C10orf105: variants seen among roughly 807,000 people sequenced by gnomAD.
C10orf105 encodes the protein uncharacterized protein C10orf105.
A neutral mutation model predicts 0.6 loss-of-function variants in C10orf105; 2 were observed. The ratio of observed to expected loss-of-function variants is 3.18; its 90% CI spans 1.30 to 10.01. C10orf105 has a LOEUF of 10.01. Among genes scored for constraint, C10orf105 ranks in the 30% most tolerant of loss-of-function variants. C10orf105 has a pLI of 0.04. For missense variants in C10orf105, 209 were observed against 191.4 expected (o/e 1.09, Z -0.54); for synonymous variants, 95 against 82.4 (o/e 1.15, Z -0.83).
intron 1 of C10orf105, chr10:71,732,672 C>A: frequency 7.3e-7 from 1 of 1,361,338 alleles, no homozygotes; most frequent in Non-Finnish European, 9.5e-7. Flanking sequence ...ATCAATATCC[C>A]TGTAACACAT....
chr10:71,722,832 A>G (rs1439599270), upstream of C10orf105, among the ~76,000 whole-genome samples: 1 of 152,222 alleles, frequency 6.6e-6, no homozygotes, highest in Non-Finnish European at 1.5e-5. Context: ...TTCAAGAAAC[A>G]GCCAGGAGAC....
intron 1 of C10orf105, among the ~76,000 whole-genome samples, chr10:71,728,841 T>C (rs900709553): frequency 6.6e-6 from 1 of 151,940 alleles, no homozygotes; most frequent in Non-Finnish European, 1.5e-5. Flanking sequence ...GTAGCTGGGA[T>C]TACAGATGCA....
chr10:71,730,723 C>G (rs1839348732), intron 1 of C10orf105: 1 of 1,433,648 alleles, frequency 7.0e-7, no homozygotes, highest in Admixed American at 2.0e-5. Flanking sequence ...TTAGCCATGT[C>G]TAGGCCAGGG....
At chr10:71,732,362 T>C in intron 1 of C10orf105, 5 of 1,566,888 alleles carry the variant, frequency 3.2e-6, no homozygotes, top group African/African-American at 1.4e-5. Context: ...CTCTTCAAGA[T>C]AGACGCCATC....
At position 71,716,084 on chromosome 10, in the gene C10orf105, G is replaced by A. The variant is rs1322115822; in HGVS notation, c.254C>T (p.Pro85Leu). ...CAGGCGCTTCCAGAGCCGGAGCTGG[G>A]GCTCACTGGGGCTCCCAGGGTGGTG... ...MPHHPGSPSE[P>L]QLRLWKRLGS... The change falls in exon 2 of 2, where the codon CCC becomes CTC. Residue 85 changes from proline (P) to leucine (L), a missense_variant. Transcript: ENST00000441508. The A allele has an allele frequency of 6.5e-7, 1 of 1,527,194 alleles. No individual in the cohort carries two copies. Among genetic ancestry groups the A allele is most frequent in the East Asian group, 2.5e-5 (1 of 40,514 alleles). The allele number at this position is 1,527,194 out of a possible 1,614,324, so 94.6% of individuals were successfully genotyped here.
intron 1 of C10orf105, chr10:71,734,486 C>T (rs953571885): frequency 2.0e-6 from 3 of 1,532,370 alleles, no homozygotes; most frequent in African/African-American, 2.7e-5. Context: ...CCATGTCCAG[C>T]CATGCCACAC....
At chr10:71,736,658 C>T (rs1470035295) in intron 1 of C10orf105, among the ~76,000 whole-genome samples, 2 of 152,184 alleles carry the variant, frequency 1.3e-5, no homozygotes, top group Non-Finnish European at 2.9e-5. Context: ...CCAGCAGCCC[C>T]CCTCACCCCT....
chr10:71,733,320 A>G (rs1246861641), intron 1 of C10orf105, among the ~76,000 whole-genome samples: 2 of 152,208 alleles, frequency 1.3e-5, no homozygotes, highest in East Asian at 3.8e-4. Flanking sequence ...GCAGACTGCA[A>G]GCTCTCTGTA....
chr10:71,716,132 C>T lies in C10orf105; in HGVS notation c.206G>A (p.Arg69His), dbSNP rs767111664. The T allele has an allele frequency of 2.5e-5, 39 of 1,549,636 alleles. No individual in the cohort carries two copies. The South Asian group carries it at 2.7e-4, about 11-fold the overall frequency. Residue 69 changes from arginine to histidine, a missense_variant, in exon 2 of 2, where the codon CGC becomes CAC. Coordinates refer to ENST00000441508, the MANE Select transcript of C10orf105 (RefSeq NM_001164375.3). ...GTGGGGCATGCACTCGTGAGCCCTG[C>T]GGCGGCTCGGGTCCAGCGCGGCCGG... Reference protein sequence around the residue: ...CKPAALDPSRRRAHECMPHHP... With the variant: ...CKPAALDPSRHRAHECMPHHP...
chr10:71,716,243 G>T lies in C10orf105; in HGVS notation c.95C>A (p.Ala32Glu). ...APVTPGTLAEATDPLPMLIAL... is the reference protein window; with the variant it reads ...APVTPGTLAEETDPLPMLIAL... ...GATGAGCATGGGGAGGGGGTCAGTT[G>T]CCTCTGCAAGGGTCCCGGGAGTGAC... Residue 32 changes from alanine (A) to glutamate (E), a missense_variant, in exon 2 of 2, where the codon GCA (alanine) becomes GAA (glutamate). Physicochemically the swap from Ala to Glu is moderately radical, Grantham distance 107. Transcript: ENST00000441508. 2.6e-6 allele frequency: 4 copies of T among 1,550,020 alleles called. No homozygotes were observed. Among genetic ancestry groups the T allele is most frequent in the Non-Finnish European group, 3.5e-6 (4 of 1,146,244 alleles).
rs1054319587 is a variant in C10orf105, at chr10:71,715,973, C to T, written c.365G>A (p.Arg122His). The part of the protein sequence containing the change: ...RQPLPGPEDN[R>H]SHCDYMESTK... Reference sequence around the variant, plus strand: ...AGATTCCATGTAGTCACAGTGGCTGCGGTTGTCCTCGGGGCCCGGCAGGGG... The same window carrying T: ...AGATTCCATGTAGTCACAGTGGCTGTGGTTGTCCTCGGGGCCCGGCAGGGG... The change falls in exon 2 of 2, where the codon CGC (arginine) becomes CAC (histidine). Residue 122 changes from arginine (R) to histidine (H), a missense_variant. Arg to His is a conservative substitution (Grantham distance 29). Transcript: ENST00000441508. 37 of 1,487,888 alleles carry T rather than the reference C, an allele frequency of 2.5e-5. No individual in the cohort carries two copies. The East Asian group carries it at 3.0e-4, about 12-fold the overall frequency. The allele number at this position is 1,487,888 out of a possible 1,614,324, so 92.2% of individuals were successfully genotyped here.
chr10:71,724,675 G>A (rs1398959544), upstream of C10orf105, among the ~76,000 whole-genome samples: 1 of 152,204 alleles, frequency 6.6e-6, no homozygotes, highest in Non-Finnish European at 1.5e-5. Flanking sequence ...CCCTGACAGA[G>A]AGGGCCCAGA....
Position 71,716,225 on chromosome 10 carries a change from A to G in C10orf105, c.113T>C (p.Met38Thr), listed in dbSNP as rs542549586. ...TLAEATDPLP[M>T]LIALACIFLL... ...GAAGATGCAGGCCAGGGCGATGAGC[A>G]TGGGGAGGGGGTCAGTTGCCTCTGC... Residue 38 changes from methionine to threonine, a missense_variant, in exon 2 of 2, where the codon ATG becomes ACG. Transcript: ENST00000441508. 65 of 1,550,774 alleles carry G rather than the reference A, an allele frequency of 4.2e-5. No individual in the cohort carries two copies. In the Admixed American group the frequency reaches 6.3e-4, roughly 15 times the overall value.
intron 1 of C10orf105, chr10:71,731,999 T>C (rs1273806300): frequency 1.2e-6 from 2 of 1,613,578 alleles, no homozygotes; most frequent in Non-Finnish European, 1.7e-6. Flanking sequence ...GATGGTGGCC[T>C]GGTGAACTAC....
chr10:71,728,876 T>C (rs1249606043), intron 1 of C10orf105, among the ~76,000 whole-genome samples: 2 of 152,140 alleles, frequency 1.3e-5, no homozygotes, highest in African/African-American at 4.8e-5. Context: ...GCTAATTTTT[T>C]TTAGAGACAG....
chr10:71,721,929 A>C (rs1421728128), upstream of C10orf105, among the ~76,000 whole-genome samples: 3 of 152,088 alleles, frequency 2.0e-5, no homozygotes, highest in Non-Finnish European at 4.4e-5. Context: ...CCCAGCACAA[A>C]TGTTCTTCCC....
chr10:71,724,104 T>C, upstream of C10orf105: 1 of 1,557,072 alleles, frequency 6.4e-7, no homozygotes, highest in Non-Finnish European at 8.7e-7. Flanking sequence ...GCATCCTCCA[T>C]GGTAAGTGGG....
At position 71,712,570 on chromosome 10, in the gene C10orf105, C is replaced by T. The variant is rs774353726; in HGVS notation, c.*3366G>A. The T allele has an allele frequency of 1.8e-4, 269 of 1,459,772 alleles. No homozygotes were observed. The highest frequency in any genetic ancestry group is 2.4e-4 in the Non-Finnish European group (258 of 1,064,222). 90.4% of individuals were successfully genotyped at this position (1,459,772 alleles called of 1,614,324 possible). A position where few individuals can be genotyped will look rare whatever the true frequency, so the allele number is the denominator to read the frequency against. The stretch of plus-strand genomic sequence containing the variant: ...AGGGCAGATGGGGCGGAACAGGGCA[C>T]CTCTCTGGCCGGTGCCCGGGAGTGT... On this transcript the variant is annotated 3_prime_UTR_variant, in exon 2 of 2. Transcript: ENST00000441508.
At chr10:71,721,811 T>C (rs994431007), upstream of C10orf105, among the ~76,000 whole-genome samples, 2 of 152,222 alleles carry the variant, frequency 1.3e-5, no homozygotes, top group African/African-American at 2.4e-5. Flanking sequence ...CATTCCACTC[T>C]TCCAACCACA....
Sources: allele counts gnomAD v4.1 joint callset (sites outside exome capture counted in the v4.1 genomes callset), GRCh38; gene constraint gnomAD v4.1.1; transcripts MANE v1.5; gene names NCBI Gene and HGNC (gene_info 2026-07-23, HGNC 2026-07-21).